The following GRIA3 variants were observed in gnomAD, a reference collection of about 807,000 sequenced individuals.
GRIA3 encodes glutamate receptor 3.
A neutral mutation model predicts 63.0 loss-of-function variants in GRIA3; 3 were observed. The observed-to-expected ratio is 0.05, with a 90% CI of 0.02 to 0.12. The LOEUF is 0.12. GRIA3 is among the 10% of genes least tolerant of loss of function. The pLI is 1.00. For missense variants in GRIA3, 347 were observed against 700.9 expected (o/e 0.50, Z 5.70); for synonymous variants, 274 against 257.9 (o/e 1.06, Z -0.60).
intron 7 of GRIA3, among the ~76,000 whole-genome samples, chrX:123,399,728 CA>C (rs1290430869): frequency 5.4e-5 from 6 of 112,009 alleles, no homozygotes; most frequent in Non-Finnish European, 9.4e-5. Flanking sequence ...ATTCTGTGTG[CA>C]ACCCAGCAAG....
chrX:123,201,806 C>T (rs1927748550), intron 2 of GRIA3, among the ~76,000 whole-genome samples: 1 of 111,429 alleles, frequency 9.0e-6, no homozygotes, highest in Non-Finnish European at 1.9e-5. Context: ...TATAACATAG[C>T]TTTATTATAT....
chrX:123,258,316 A>T (rs1053129301), intron 3 of GRIA3, among the ~76,000 whole-genome samples: 1 of 112,740 alleles, frequency 8.9e-6, no homozygotes, highest in Non-Finnish European at 1.9e-5. Context: ...TTGATGGGTT[A>T]GTGCATCCAG....
At chrX:123,317,221 G>A (rs1282344933) in intron 3 of GRIA3, among the ~76,000 whole-genome samples, 1 of 110,928 alleles carries the variant, frequency 9.0e-6, no homozygotes, top group Non-Finnish European at 1.9e-5. Flanking sequence ...CACAACACAG[G>A]GAAATTCTAG....
chrX:123,488,935 C>T lies in GRIA3; in HGVS notation c.*225C>T, dbSNP rs982437358. ...GCAAACCATCATTGAAATCTTTTTG[C>T]TTTGCTTGAAAAAAAATAATTAAAA... On this transcript the variant is annotated 3_prime_UTR_variant, in exon 16 of 16. Coordinates refer to ENST00000620443, the MANE Select transcript of GRIA3 (RefSeq NM_007325.5). 6 of 108,119 alleles carry T rather than the reference C, an allele frequency of 5.5e-5. No homozygotes were observed. Among genetic ancestry groups the T allele is most frequent in the African/African-American group, 1.4e-4 (4 of 29,439 alleles). The allele number at this position is 108,119 out of a possible 1,213,427, so 8.9% of individuals were successfully genotyped here. A position where few individuals can be genotyped will look rare whatever the true frequency, so the allele number is the denominator to read the frequency against.
chrX:123,462,790 C>T (rs1005087805), intron 12 of GRIA3, among the ~76,000 whole-genome samples: 1 of 111,569 alleles, frequency 9.0e-6, no homozygotes, highest in African/African-American at 3.3e-5. Flanking sequence ...CCAGGAAACC[C>T]CACAAAAAGA....
At position 123,337,053 on chromosome X, in the gene GRIA3, A is replaced by T. The variant is rs1417663306; in HGVS notation, c.696+10840A>T. On this transcript the variant is annotated intron_variant, in intron 4 of 15. Coordinates refer to ENST00000620443, the MANE Select transcript of GRIA3 (RefSeq NM_007325.5). The stretch of plus-strand genomic sequence containing the variant: ...ATTTAAAAGCTCTTTCTATCATCTG[A>T]GGTAAGTCTCAAGAGAGGGAAACTG... Among the ~76,000 whole-genome samples the T allele has an allele frequency of 2.7e-5, 3 of 112,119 alleles. No homozygotes were observed. In the East Asian group the frequency reaches 8.4e-4, roughly 31 times the overall value.
chrX:123,435,577 T>C (rs950339050), intron 12 of GRIA3, among the ~76,000 whole-genome samples: 1 of 111,941 alleles, frequency 8.9e-6, no homozygotes, highest in African/African-American at 3.2e-5. Flanking sequence ...TTCCCCTTGA[T>C]AGATCAATTA....
intron 12 of GRIA3, among the ~76,000 whole-genome samples, chrX:123,432,145 A>T (rs2045621674): frequency 8.9e-6 from 1 of 111,823 alleles, no homozygotes. Context: ...CCCTTAAAGC[A>T]CTTAGCCTGT....
chrX:123,318,575 A>T (rs1270053312), intron 3 of GRIA3, among the ~76,000 whole-genome samples: 2 of 112,070 alleles, frequency 1.8e-5, no homozygotes, highest in East Asian at 5.6e-4. Context: ...CTAAAACATA[A>T]CAAGAGTCAC....
At chrX:123,298,104 T>G (rs2044697785) in intron 3 of GRIA3, among the ~76,000 whole-genome samples, 1 of 111,760 alleles carries the variant, frequency 8.9e-6, no homozygotes, top group African/African-American at 3.2e-5. Flanking sequence ...TGGTGTATAT[T>G]ATGACATTTT....
intron 4 of GRIA3, among the ~76,000 whole-genome samples, chrX:123,341,729 A>G (rs887377253): frequency 8.9e-6 from 1 of 112,527 alleles, no homozygotes; most frequent in Non-Finnish European, 1.9e-5. Context: ...CATATTGCCC[A>G]CTATAATCCT....
At position 123,284,307 on chromosome X, in the gene GRIA3, A is replaced by G. The variant is rs768470551; in HGVS notation, c.508+30765A>G. Among the ~76,000 whole-genome samples, 3 of 112,242 alleles carry G rather than the reference A, an allele frequency of 2.7e-5. No individual in the cohort carries two copies. The South Asian group carries it at 1.1e-3, about 42-fold the overall frequency. On this transcript the variant is annotated intron_variant, in intron 3 of 15. Coordinates refer to ENST00000620443, the MANE Select transcript of GRIA3 (RefSeq NM_007325.5). The stretch of plus-strand genomic sequence containing the variant: ...GAAGATAAGAAAAACCGGCACAAAA[A>G]GGCTGAAAATTCCAAAAACCAGAAT...
At chrX:123,423,841 C>A (rs1376465003) in intron 11 of GRIA3, among the ~76,000 whole-genome samples, 1 of 111,848 alleles carries the variant, frequency 8.9e-6, no homozygotes, top group Non-Finnish European at 1.9e-5. Context: ...ATTATCATTT[C>A]AAAGGTCATA....
chrX:123,463,849 A>C, intron 12 of GRIA3, among the ~76,000 whole-genome samples: 1 of 110,376 alleles, frequency 9.1e-6, no homozygotes, highest in Admixed American at 9.5e-5. Context: ...GAAAGAGAGA[A>C]ACCAAACAGA....
intron 2 of GRIA3, among the ~76,000 whole-genome samples, chrX:123,244,826 G>A (rs766355919): frequency 2.7e-4 from 30 of 112,383 alleles, no homozygotes; most frequent in African/African-American, 8.1e-4. Context: ...TGCCAAGGTT[G>A]AAAAACCCTG....
At chrX:123,329,235 C>G (rs1335604892) in intron 4 of GRIA3, among the ~76,000 whole-genome samples, 1 of 111,918 alleles carries the variant, frequency 8.9e-6, no homozygotes, top group Non-Finnish European at 1.9e-5. Context: ...ACCACTATAA[C>G]ACTGTTTCCT....
rs1487832733 is a variant in GRIA3 at position 123,326,162 on chromosome X, G to A, written c.645G>A (p.Lys215=). Residue 215 remains lysine, a synonymous_variant, in exon 4 of 16, where the codon AAG becomes AAA. Transcript: ENST00000620443. ...AAGAAATGGACAGGAGGCAGGAAAA[G>A]CGATACTTGATTGACTGCGAAGTCG... ...IIEEMDRRQE[K]RYLIDCEVER... 1 of 1,208,707 alleles carries A rather than the reference G, an allele frequency of 8.3e-7. No homozygotes were observed. Among genetic ancestry groups the A allele is most frequent in the Non-Finnish European group, 1.1e-6 (1 of 894,312 alleles).
chrX:123,467,700 AC>A (rs1281982541), intron 13 of GRIA3, among the ~76,000 whole-genome samples: 1 of 112,334 alleles, frequency 8.9e-6, no homozygotes, highest in African/African-American at 3.2e-5. Flanking sequence ...TAAAACATCC[AC>A]ATGATGCCAA....
chrX:123,453,182 A>G (rs1327521974), intron 12 of GRIA3, among the ~76,000 whole-genome samples: 1 of 112,068 alleles, frequency 8.9e-6, no homozygotes, highest in Non-Finnish European at 1.9e-5. Context: ...AAAATGTGGC[A>G]CATATACACC....
Sources: allele counts gnomAD v4.1 joint callset (sites outside exome capture counted in the v4.1 genomes callset), GRCh38; gene constraint gnomAD v4.1.1; transcripts MANE v1.5; gene names NCBI Gene and HGNC (gene_info 2026-07-23, HGNC 2026-07-21).